TJP1: variants seen among roughly 807,000 people sequenced by gnomAD.
TJP1 encodes the protein tight junction protein ZO-1.
In TJP1, 43 loss-of-function variants were observed where a neutral mutation model predicts 194.2. The observed-to-expected ratio is 0.22, with a 90% CI of 0.17 to 0.29. The LOEUF (loss-of-function observed/expected upper bound fraction) is 0.29. Among genes scored for constraint, TJP1 ranks in the 10% least tolerant of loss-of-function variants. TJP1 has a pLI of 1.00. For missense variants in TJP1, 1,971 were observed against 2,185.7 expected (o/e 0.90, Z 1.96); for synonymous variants, 801 against 779.0 (o/e 1.03, Z -0.47).
rs542063109 is a variant in TJP1, at chr15:29,904,037, A to T, written c.306+52195T>A. 5.3e-4 allele frequency among the ~76,000 whole-genome samples: 80 copies of T among 152,270 alleles called. 2 individuals carry two copies. The South Asian group carries it at 0.011, about 21-fold the overall frequency. On this transcript the variant is annotated intron_variant, in intron 2 of 28. Coordinates refer to the TJP1 transcript ENST00000356107. The stretch of plus-strand genomic sequence containing the variant: ...GAGCTGGGTGTGAGGGCTAAAAATA[A>T]ACTTACTTCACCAGCTGAACTCCTT...
At chr15:29,919,090 G>T (rs1396540140) in intron 2 of TJP1, among the ~76,000 whole-genome samples, 1 of 152,192 alleles carries the variant, frequency 6.6e-6, no homozygotes. Flanking sequence ...GTCATGCAAA[G>T]GTTTGGGACA....
chr15:29,724,454 G>A (rs1175203461), intron 18 of TJP1, among the ~76,000 whole-genome samples: 1 of 152,182 alleles, frequency 6.6e-6, no homozygotes, highest in Admixed American at 6.5e-5. Context: ...TTGAAAGTCT[G>A]GGCAAGAATA....
intron 1 of TJP1, chr15:29,820,612 C>T: frequency 1.4e-6 from 1 of 715,684 alleles, no homozygotes; most frequent in Non-Finnish European, 2.6e-6. Context: ...ATATTAAGTA[C>T]CAGAGATCAC....
chr15:29,878,780 AG>A (rs2052810086), intron 2 of TJP1, among the ~76,000 whole-genome samples: 1 of 152,186 alleles, frequency 6.6e-6, no homozygotes. Context: ...ATGTGGGAGG[AG>A]GGGCTGGCCT....
At chr15:29,843,857 G>A (rs1018958945) in intron 2 of TJP1, among the ~76,000 whole-genome samples, 1 of 152,134 alleles carries the variant, frequency 6.6e-6, no homozygotes, top group African/African-American at 2.4e-5. Flanking sequence ...AGGCCAGGGA[G>A]TGAGTCACAT....
rs778566489 is a variant in TJP1, at chr15:29,772,153, C to T, written c.223G>A (p.Val75Ile). ...AEGQLQENDR[V>I]AMVNGVSMDN... ...ATTGAAACTCCGTTAACCATTGCAA[C>T]TCGGTCATTTTCCCTAAGGGGAAAA... Residue 75 changes from valine (V) to isoleucine (I), a missense_variant, in exon 4 of 28, where the codon GTT becomes ATT. This residue lies in a region of TJP1 where 245 missense variants were observed against 336.6 expected (regional missense o/e 0.73). Coordinates refer to ENST00000614355, the MANE Select transcript of TJP1 (RefSeq NM_001330239.4). 1.9e-6 allele frequency: 3 copies of T among 1,600,734 alleles called. No individual in the cohort carries two copies. The highest frequency in any genetic ancestry group is 1.1e-5 in the South Asian group (1 of 87,850).
intron 25 of TJP1, 136 bp from the exon 26 acceptor site, chr15:29,705,881 G>A: frequency 1.4e-6 from 1 of 723,022 alleles, no homozygotes. Flanking sequence ...ATAAGTTTCT[G>A]GCAACAGATT....
At chr15:29,899,300 T>G (rs1456739685) in intron 2 of TJP1, among the ~76,000 whole-genome samples, 2 of 152,230 alleles carry the variant, frequency 1.3e-5, no homozygotes, top group African/African-American at 2.4e-5. Context: ...AAGTTCCAAA[T>G]CCTTATTTTA....
intron 2 of TJP1, among the ~76,000 whole-genome samples, chr15:29,792,218 A>T (rs954191651): frequency 6.6e-6 from 1 of 152,138 alleles, no homozygotes; most frequent in Non-Finnish European, 1.5e-5. Flanking sequence ...GTGTTTCCCA[A>T]TGTTTTCTTC....
At position 29,731,804 on chromosome 15, in the gene TJP1, GA is replaced by G. The variant is rs796279871; in HGVS notation, c.2017+628del. 6.1e-3 allele frequency among the ~76,000 whole-genome samples: 840 copies of G among 137,778 alleles called. 7 individuals carry two copies. The highest frequency in any genetic ancestry group is 0.018 in the African/African-American group (692 of 37,528). The allele number at this position is 137,778 out of a possible 152,430, so 90.4% of individuals were successfully genotyped here. A position where few individuals can be genotyped will look rare whatever the true frequency, so the allele number is the denominator to read the frequency against. On this transcript the variant is annotated intron_variant, in intron 15 of 27. Coordinates refer to ENST00000614355, the MANE Select transcript of TJP1 (RefSeq NM_001330239.4). ...ATAAAGCTGGATACAGTTTGGCTTG[GA>G]AAAAAAAAAAAGAAAGTAAATAAAA...
intron 8 of TJP1, among the ~76,000 whole-genome samples, chr15:29,752,421 C>T (rs1056532071): frequency 3.3e-5 from 5 of 152,028 alleles, no homozygotes; most frequent in African/African-American, 7.2e-5. Flanking sequence ...ACTTTTTAAA[C>T]GGGATATATG....
chr15:29,849,607 C>G (rs1219671862), intron 2 of TJP1, among the ~76,000 whole-genome samples: 1 of 151,940 alleles, frequency 6.6e-6, no homozygotes, highest in African/African-American at 2.4e-5. Flanking sequence ...GGCATAGTGG[C>G]ATGTGCCTGT....
intron 10 of TJP1, among the ~76,000 whole-genome samples, chr15:29,740,630 TAAAAAAAAA>T (rs948373459): frequency 6.9e-6 from 1 of 145,862 alleles, no homozygotes; most frequent in Non-Finnish European, 1.5e-5. Flanking sequence ...AGACCCTGTT[TAAAAAAAAA>T]AACTAACCAA....
chr15:29,775,454 C>T (rs556544733), intron 2 of TJP1, among the ~76,000 whole-genome samples: 1 of 152,170 alleles, frequency 6.6e-6, no homozygotes, highest in Admixed American at 6.5e-5. Flanking sequence ...GCAAGGGTTT[C>T]GCCACAGTGC....
chr15:29,748,922 A>ATGTGTGTGTGTGTGTG (rs112772922), intron 8 of TJP1, among the ~76,000 whole-genome samples: 3 of 104,612 alleles, frequency 2.9e-5, no homozygotes, highest in South Asian at 3.2e-4. Flanking sequence ...AAGCTTAAAA[A>ATGTGTGTGTGTGTGTG]TGTGTGTGTG....
At chr15:29,888,626 CCTAAAATGGTGAG>C (rs1348109796) in intron 2 of TJP1, among the ~76,000 whole-genome samples, 1 of 152,136 alleles carries the variant, frequency 6.6e-6, no homozygotes, top group Non-Finnish European at 1.5e-5. Context: ...CATTTAGTTT[CCTAAAATGGTGAG>C]CAACACAAAA....
chr15:29,716,399 G>C (rs1200662809), intron 23 of TJP1, among the ~76,000 whole-genome samples: 4 of 152,148 alleles, frequency 2.6e-5, no homozygotes, highest in African/African-American at 9.7e-5. Context: ...TGTGATGTTA[G>C]CATCTTTGTG....
At chr15:29,847,228 G>A (rs553898903) in intron 2 of TJP1, among the ~76,000 whole-genome samples, 5 of 152,088 alleles carry the variant, frequency 3.3e-5, no homozygotes, top group South Asian at 4.2e-4. Flanking sequence ...TCAGCTTCCA[G>A]AGTAGCTGGG....
intron 2 of TJP1, among the ~76,000 whole-genome samples, chr15:29,908,893 G>A (rs1045664418): frequency 9.2e-5 from 14 of 152,178 alleles, no homozygotes; most frequent in South Asian, 2.1e-4. Context: ...GGTGGCTCAC[G>A]CCTGTAGTCC....
Sources: gnomAD v4.1 joint callset for allele counts (sites outside exome capture counted in the v4.1 genomes callset) on GRCh38, gnomAD v4.1.1 for gene constraint, gnomAD v4.1.1 regional missense constraint, MANE v1.5 for transcripts, NCBI Gene and HGNC (gene_info 2026-07-23, HGNC 2026-07-21) for gene names.